Variants in PDZRN4 observed in about 807,000 individuals in gnomAD.
PDZRN4 encodes PDZ domain containing ring finger 4.
PDZRN4 carries 70 observed loss-of-function variants against 99.0 expected under a neutral mutation model. The ratio of observed to expected loss-of-function variants is 0.71; its 90% CI spans 0.58 to 0.86. PDZRN4 has a LOEUF of 0.86. Ranked by LOEUF, PDZRN4 falls within the 40% of genes least tolerant of loss-of-function variation. PDZRN4 has a pLI of 0.00. For synonymous variants in PDZRN4, 551 were observed against 501.6 expected, an observed-to-expected ratio of 1.10 and a Z score of -1.32; for missense variants, 1,474 against 1,331.2, an observed-to-expected ratio of 1.11 and a Z score of -1.67.
chr12:41,488,689 A>C (rs1937824450), intron 3 of PDZRN4, among the ~76,000 whole-genome samples: 1 of 152,190 alleles, frequency 6.6e-6, no homozygotes, highest in South Asian at 2.1e-4. Context: ...GAGGGAAAAA[A>C]AATGAAGCTC....
In PDZRN4 at chr12:41,342,166, G is replaced by T. The variant is rs186933730; in HGVS notation, c.843+147978G>T. Among the ~76,000 whole-genome samples the T allele has an allele frequency of 3.6e-4, 55 of 151,850 alleles. 3 individuals are homozygous for T. In the East Asian group the frequency reaches 4.6e-3, roughly 13 times the overall value. Reference sequence around the variant, plus strand: ...TTCACATCCAGAAGAATGATACTCAGCCCCTACGTCTCACCATATACAAAA... The same window carrying T: ...TTCACATCCAGAAGAATGATACTCATCCCCTACGTCTCACCATATACAAAA... On this transcript the variant is annotated intron_variant, in intron 3 of 9. Coordinates refer to ENST00000402685, the MANE Select transcript of PDZRN4 (RefSeq NM_001164595.2).
chr12:41,269,682 A>G lies in PDZRN4; in HGVS notation c.843+75494A>G, dbSNP rs1332915782. Among the ~76,000 whole-genome samples, 2 of 152,172 alleles carry G rather than the reference A, an allele frequency of 1.3e-5. 1 individual carries two copies. The highest frequency in any genetic ancestry group is 4.8e-5 in the African/African-American group (2 of 41,436). On this transcript the variant is annotated intron_variant, in intron 3 of 9. Coordinates refer to ENST00000402685, the MANE Select transcript of PDZRN4 (RefSeq NM_001164595.2). Reference sequence around the variant, plus strand: ...TCTAACACAGCCTGCCCAGGGTTCAAGACTCTATATGCCATATTTTGAAGT... The same window carrying G: ...TCTAACACAGCCTGCCCAGGGTTCAGGACTCTATATGCCATATTTTGAAGT...
intron 3 of PDZRN4, among the ~76,000 whole-genome samples, chr12:41,291,320 C>A (rs988767930): frequency 6.6e-6 from 1 of 152,134 alleles, no homozygotes; most frequent in Non-Finnish European, 1.5e-5. Context: ...AAAGTCATAA[C>A]CTTACCTTAA....
At chr12:41,332,130 C>T (rs897123051) in intron 3 of PDZRN4, among the ~76,000 whole-genome samples, 1 of 152,038 alleles carries the variant, frequency 6.6e-6, no homozygotes, top group African/African-American at 2.4e-5. Context: ...GAAGTGAAAA[C>T]AGTATGCCAG....
Position 41,422,883 on chromosome 12 carries a change from T to C in PDZRN4, c.844-83573T>C, listed in dbSNP as rs577741858. Among the ~76,000 whole-genome samples the C allele has an allele frequency of 2.0e-5, 3 of 152,246 alleles. No homozygotes were observed. The East Asian group carries it at 5.8e-4, about 29-fold the overall frequency. On this transcript the variant is annotated intron_variant, in intron 3 of 9. Coordinates refer to ENST00000402685, the MANE Select transcript of PDZRN4 (RefSeq NM_001164595.2). ...CACACATATGCACACACAATGGAAA[T>C]TTCTTTTGTCAATATGGCATTTATC...
intron 3 of PDZRN4, among the ~76,000 whole-genome samples, chr12:41,287,006 GT>G (rs1171152206): frequency 6.6e-6 from 1 of 151,950 alleles, no homozygotes; most frequent in Admixed American, 6.6e-5. Flanking sequence ...ACACATCAAG[GT>G]AGCTTTTGTA....
chr12:41,211,546 T>C (rs1950888844), intron 3 of PDZRN4, among the ~76,000 whole-genome samples: 1 of 151,934 alleles, frequency 6.6e-6, no homozygotes, highest in Non-Finnish European at 1.5e-5. Flanking sequence ...ATGATTAGTG[T>C]TAGTCACTTA....
At chr12:41,261,457 C>T (rs73270807) in intron 3 of PDZRN4, among the ~76,000 whole-genome samples, 22,026 of 152,026 alleles carry the variant, frequency 0.14, 2,455 homozygotes, top group African/African-American at 0.31. Flanking sequence ...TTCATTCTTT[C>T]ACAAAGGCAA....
At chr12:41,273,107 A>G (rs1199660475) in intron 3 of PDZRN4, among the ~76,000 whole-genome samples, 1 of 152,046 alleles carries the variant, frequency 6.6e-6, no homozygotes, top group Non-Finnish European at 1.5e-5. Flanking sequence ...TGGGTATGGA[A>G]AATGAATAAA....
chr12:41,335,791 AAT>A (rs911399518), intron 3 of PDZRN4, among the ~76,000 whole-genome samples: 21 of 152,116 alleles, frequency 1.4e-4, no homozygotes, highest in Non-Finnish European at 2.8e-4. Context: ...CAAACTATGA[AAT>A]ATAACTCTTG....
chr12:41,214,252 T>TAAAAA lies in PDZRN4; in HGVS notation c.843+20086_843+20090dup, dbSNP rs60618442. ...GAGCAACATAGTGAGACCCTGTATTTAAAAAAAAAAAAAAAAAAAAAAAAA... is the reference window on the plus strand; with the variant it reads ...GAGCAACATAGTGAGACCCTGTATTTAAAAAAAAAAAAAAAAAAAAAAAAAAAAAA... On this transcript the variant is annotated intron_variant, in intron 3 of 9. Transcript: ENST00000402685. 1.8e-3 allele frequency among the ~76,000 whole-genome samples: 155 copies of TAAAAA among 84,776 alleles called. 4 individuals are homozygous for TAAAAA. Among genetic ancestry groups the TAAAAA allele is most frequent in the African/African-American group, 6.7e-3 (143 of 21,396 alleles). 55.6% of individuals were successfully genotyped at this position (84,776 alleles called of 152,430 possible). A position where few individuals can be genotyped will look rare whatever the true frequency, so the allele number is the denominator to read the frequency against.
chr12:41,323,190 G>A (rs1260520496), intron 3 of PDZRN4, among the ~76,000 whole-genome samples: 1 of 152,098 alleles, frequency 6.6e-6, no homozygotes, highest in Non-Finnish European at 1.5e-5. Context: ...CATCTCAGTT[G>A]CAGCTTCAAA....
At chr12:41,383,893 C>T (rs749762159) in intron 3 of PDZRN4, among the ~76,000 whole-genome samples, 5 of 150,668 alleles carry the variant, frequency 3.3e-5, no homozygotes, top group Non-Finnish European at 7.4e-5. Flanking sequence ...TCCTTGGAGG[C>T]TCCTGTAATA....
At chr12:41,340,060 C>A (rs1296719770) in intron 3 of PDZRN4, among the ~76,000 whole-genome samples, 1 of 152,048 alleles carries the variant, frequency 6.6e-6, no homozygotes, top group Non-Finnish European at 1.5e-5. Flanking sequence ...TATGATCCAG[C>A]AATTTCACTG....
intron 3 of PDZRN4, among the ~76,000 whole-genome samples, chr12:41,237,357 C>T (rs1056300648): frequency 2.0e-5 from 3 of 151,962 alleles, no homozygotes; most frequent in Non-Finnish European, 4.4e-5. Context: ...AATATGGGCA[C>T]GTTTGTAGCA....
chr12:41,345,347 T>C (rs566586484), intron 3 of PDZRN4, among the ~76,000 whole-genome samples: 10 of 152,290 alleles, frequency 6.6e-5, no homozygotes, highest in African/African-American at 2.4e-4. Context: ...TGTCGGTGTG[T>C]CTTCCTCCTC....
At chr12:41,561,906 G>A (rs1254303499) in intron 7 of PDZRN4, among the ~76,000 whole-genome samples, 1 of 152,094 alleles carries the variant, frequency 6.6e-6, no homozygotes, top group Admixed American at 6.6e-5. Flanking sequence ...ATAGAGGGTA[G>A]GGGAAGTATA....
chr12:41,414,080 C>T (rs1952422407), intron 3 of PDZRN4, among the ~76,000 whole-genome samples: 1 of 151,674 alleles, frequency 6.6e-6, no homozygotes, highest in Non-Finnish European at 1.5e-5. Context: ...CTTAGTTTGG[C>T]AGGGTATGAA....
chr12:41,277,062 T>TA (rs1290689568), intron 3 of PDZRN4, among the ~76,000 whole-genome samples: 1 of 152,224 alleles, frequency 6.6e-6, no homozygotes, highest in Non-Finnish European at 1.5e-5. Flanking sequence ...AACAATTCTT[T>TA]AAAAGAGATT....
Sources: gnomAD v4.1 joint callset for allele counts (sites outside exome capture counted in the v4.1 genomes callset) on GRCh38, gnomAD v4.1.1 for gene constraint, MANE v1.5 for transcripts, NCBI Gene and HGNC (gene_info 2026-07-23, HGNC 2026-07-21) for gene names.